The following SLC14A2 variants were observed in gnomAD, a reference collection of about 807,000 sequenced individuals.
The protein encoded by SLC14A2 is solute carrier family 14 member 2.
SLC14A2 carries 91 observed loss-of-function variants against 104.6 expected under a neutral mutation model. That is an observed-to-expected ratio of 0.87 (90% CI 0.73 to 1.04). SLC14A2 has a LOEUF of 1.04. SLC14A2 is among the 50% of genes least tolerant of loss of function. SLC14A2 has a pLI of 0.00. For synonymous variants in SLC14A2, 476 were observed against 466.4 expected (o/e 1.02, Z -0.27); for missense variants, 1,189 against 1,156.0 (o/e 1.03, Z -0.41).
intron 1 of SLC14A2, among the ~76,000 whole-genome samples, chr18:45,448,851 C>A (rs536211909): frequency 6.6e-6 from 1 of 152,280 alleles, no homozygotes; most frequent in Non-Finnish European, 1.5e-5. Flanking sequence ...TACCCTGGTG[C>A]CTTGCTAAAA....
chr18:45,581,780 A>G (rs1266879799), intron 2 of SLC14A2, among the ~76,000 whole-genome samples: 1 of 152,224 alleles, frequency 6.6e-6, no homozygotes, highest in East Asian at 1.9e-4. Context: ...ATGACCCTAG[A>G]GGACAGTCAC....
At chr18:45,456,478 C>A (rs1276400456) in intron 1 of SLC14A2, among the ~76,000 whole-genome samples, 1 of 152,214 alleles carries the variant, frequency 6.6e-6, no homozygotes, top group East Asian at 1.9e-4. Flanking sequence ...CCTGTAGAGG[C>A]CTGGGCTCCT....
chr18:45,677,814 T>C (rs1329929093), intron 18 of SLC14A2, among the ~76,000 whole-genome samples: 1 of 152,178 alleles, frequency 6.6e-6, no homozygotes, highest in Non-Finnish European at 1.5e-5. Context: ...TTTGTTTGTT[T>C]GTTTGTTGTT....
intron 1 of SLC14A2, among the ~76,000 whole-genome samples, chr18:45,437,323 C>T (rs548713440): frequency 1.3e-5 from 2 of 150,192 alleles, no homozygotes; most frequent in South Asian, 4.2e-4. Flanking sequence ...GCAGGCACAT[C>T]CTTGTTTCCA....
At chr18:45,457,910 T>A (rs890374918) in intron 1 of SLC14A2, among the ~76,000 whole-genome samples, 5 of 152,126 alleles carry the variant, frequency 3.3e-5, no homozygotes, top group Non-Finnish European at 7.4e-5. Flanking sequence ...TGGAGTCAGA[T>A]GCTGTCCTAT....
intron 2 of SLC14A2, among the ~76,000 whole-genome samples, chr18:45,507,650 A>G (rs960618909): frequency 3.9e-5 from 6 of 152,146 alleles, no homozygotes; most frequent in African/African-American, 1.4e-4. Flanking sequence ...GTGTTCAGGG[A>G]GGTAGGTATC....
the SLC14A2 span, among the ~76,000 whole-genome samples, chr18:45,183,405 T>C: frequency 2.0e-5 from 3 of 152,180 alleles, no homozygotes; most frequent in Non-Finnish European, 2.9e-5. Flanking sequence ...AGCCTTGAAG[T>C]GGGATGGATC....
At position 45,634,529 on chromosome 18, in the gene SLC14A2, CTGTCATCTGAAGA is replaced by C. The variant is rs2045389575; in HGVS notation, c.650+2055_650+2067del. ...TGTCGCCTAAATGATAAGAAGGCAT[CTGTCATCTGAAGA>C]TGTGGGTGAAGGATGTTGCAGGCAG... On this transcript the variant is annotated intron_variant, in intron 5 of 19. Coordinates refer to ENST00000255226, the MANE Select transcript of SLC14A2 (RefSeq NM_007163.4). 3.3e-5 allele frequency among the ~76,000 whole-genome samples: 5 copies of C among 152,342 alleles called. No homozygotes were observed. In the South Asian group the frequency reaches 1.0e-3, roughly 32 times the overall value.
rs1324677351 is a variant in SLC14A2, at chr18:45,410,270, C to G, written c.-124-72963C>G. Among the ~76,000 whole-genome samples, 3 of 152,182 alleles carry G rather than the reference C, an allele frequency of 2.0e-5. 1 individual carries two copies. In the South Asian group the frequency reaches 6.2e-4, roughly 31 times the overall value. ...GGTCCGGTTTCTAACAGGCCACAGACCAGTACCAGTCTATGACCCAGGGGT... is the reference window on the plus strand; with the variant it reads ...GGTCCGGTTTCTAACAGGCCACAGAGCAGTACCAGTCTATGACCCAGGGGT... On this transcript the variant is annotated intron_variant, in intron 1 of 20. Transcript: ENST00000586448.
At chr18:45,527,575 T>C (rs1218451400) in intron 2 of SLC14A2, among the ~76,000 whole-genome samples, 1 of 152,180 alleles carries the variant, frequency 6.6e-6, no homozygotes, top group Non-Finnish European at 1.5e-5. Flanking sequence ...TACATTCAAG[T>C]CTTTTCTACA....
chr18:45,171,471 T>C, the SLC14A2 span, among the ~76,000 whole-genome samples: 3 of 152,192 alleles, frequency 2.0e-5, no homozygotes, highest in Non-Finnish European at 2.9e-5. Context: ...GTCAGGAATT[T>C]ACCACTTGAA....
chr18:45,521,705 C>T (rs1308626989), intron 2 of SLC14A2, among the ~76,000 whole-genome samples: 2 of 151,914 alleles, frequency 1.3e-5, no homozygotes, highest in East Asian at 1.9e-4. Context: ...ACCAGCAAGT[C>T]GCAAGATTTA....
At chr18:45,488,849 A>G (rs1175183972) in intron 2 of SLC14A2, among the ~76,000 whole-genome samples, 2 of 152,196 alleles carry the variant, frequency 1.3e-5, no homozygotes. Context: ...TTTAGTCCCC[A>G]CGTTCTCACT....
rs556829021 is a variant in SLC14A2 at position 45,293,515 on chromosome 18, C to A, written c.-125+80324C>A. 1.6e-3 allele frequency among the ~76,000 whole-genome samples: 247 copies of A among 151,564 alleles called. 1 individual carries two copies. The highest frequency in any genetic ancestry group is 2.8e-3 in the Non-Finnish European group (190 of 67,902). On this transcript the variant is annotated intron_variant, in intron 1 of 20. Coordinates refer to the SLC14A2 transcript ENST00000586448. ...TTTATTAGAGGTGTCAGGCAAGGTC[C>A]CCCCGAGAAGTGCCATTTAAGCTGA...
At chr18:45,492,499 G>T (rs2043019755) in intron 2 of SLC14A2, among the ~76,000 whole-genome samples, 1 of 152,114 alleles carries the variant, frequency 6.6e-6, no homozygotes, top group Admixed American at 6.5e-5. Flanking sequence ...GATCTCATGA[G>T]AATTCACTAT....
chr18:45,632,774 T>G (rs1479561013), intron 5 of SLC14A2, among the ~76,000 whole-genome samples: 2 of 152,158 alleles, frequency 1.3e-5, no homozygotes, highest in African/African-American at 4.8e-5. Flanking sequence ...ACCTCCTGGG[T>G]TCACACCATT....
chr18:45,194,709 G>A, the SLC14A2 span, among the ~76,000 whole-genome samples: 1 of 145,444 alleles, frequency 6.9e-6, no homozygotes, highest in East Asian at 2.0e-4. Context: ...GCAGTGGTGC[G>A]ATCTCGGCTC....
chr18:45,508,343 T>C (rs1352041651), intron 2 of SLC14A2, among the ~76,000 whole-genome samples: 4 of 152,220 alleles, frequency 2.6e-5, no homozygotes, highest in South Asian at 4.1e-4. Flanking sequence ...TGGGAGATCA[T>C]TAAATCATGA....
intron 1 of SLC14A2, among the ~76,000 whole-genome samples, chr18:45,313,655 G>A (rs1174129569): frequency 2.0e-5 from 3 of 152,148 alleles, no homozygotes; most frequent in Non-Finnish European, 2.9e-5. Flanking sequence ...CCTGTAAAAA[G>A]AGCATATAGT....
Sources: allele counts gnomAD v4.1 joint callset (sites outside exome capture counted in the v4.1 genomes callset), GRCh38; gene constraint gnomAD v4.1.1; transcripts MANE v1.5; gene names NCBI Gene and HGNC (gene_info 2026-07-23, HGNC 2026-07-21).